The following NPAS3 variants were observed in gnomAD, a reference collection of about 807,000 sequenced individuals.
NPAS3 encodes neuronal PAS domain protein 3.
Under a neutral mutation model 73.1 loss-of-function variants are expected in NPAS3, and 14 were observed. That is an observed-to-expected ratio of 0.19 (90% CI 0.13 to 0.30). The LOEUF (loss-of-function observed/expected upper bound fraction) is 0.30, where lower values mean the gene tolerates loss of function less well. NPAS3 is among the 10% of genes least tolerant of loss of function. The pLI, the probability that NPAS3 is intolerant of heterozygous loss-of-function variation, is 1.00. For missense variants in NPAS3, 1,096 were observed against 1,250.0 expected, an observed-to-expected ratio of 0.88 and a Z score of 1.86; for synonymous variants, 620 against 541.5, an observed-to-expected ratio of 1.14 and a Z score of -2.01.
intron 6 of NPAS3, among the ~76,000 whole-genome samples, chr14:33,721,658 T>A (rs2061115990): frequency 6.6e-6 from 1 of 152,180 alleles, no homozygotes; most frequent in African/African-American, 2.4e-5. Context: ...TATGTGTAAA[T>A]CATTGACTAT....
At chr14:33,788,048 A>C (rs1337771984) in intron 9 of NPAS3, among the ~76,000 whole-genome samples, 1 of 152,222 alleles carries the variant, frequency 6.6e-6, no homozygotes, top group African/African-American at 2.4e-5. Flanking sequence ...GGAGAAGCAG[A>C]GATTAAAGAG....
rs763821657 is a variant in NPAS3 at position 33,120,770 on chromosome 14, G to GT, written c.140+64783dup. Among the ~76,000 whole-genome samples the GT allele has an allele frequency of 4.6e-5, 7 of 152,060 alleles. No individual in the cohort carries two copies. In the East Asian group the frequency reaches 5.8e-4, roughly 13 times the overall value. Reference sequence around the variant, plus strand: ...TATCCATTGAATTTGAGAAGCATTGGTTTTTTTAAGGCTATGAGCCTCAAA... The same window carrying GT: ...TATCCATTGAATTTGAGAAGCATTGGTTTTTTTTAAGGCTATGAGCCTCAAA... On this transcript the variant is annotated intron_variant, in intron 2 of 11. Coordinates refer to ENST00000356141, the Ensembl canonical transcript of NPAS3.
chr14:33,245,849 C>T (rs1327095412), intron 3 of NPAS3, among the ~76,000 whole-genome samples: 2 of 151,468 alleles, frequency 1.3e-5, no homozygotes, highest in East Asian at 3.9e-4. Context: ...AATAGTTAGA[C>T]GAGTCACAAC....
At chr14:33,107,280 C>T (rs769534212) in intron 2 of NPAS3, among the ~76,000 whole-genome samples, 7 of 152,058 alleles carry the variant, frequency 4.6e-5, no homozygotes, top group Non-Finnish European at 7.4e-5. Context: ...TCAGGGAGTA[C>T]ATGTGCAAGT....
rs530445851 is a variant in NPAS3, at chr14:33,488,747, C to T, written c.469-71374C>T. Among the ~76,000 whole-genome samples the T allele has an allele frequency of 2.8e-4, 42 of 152,230 alleles. No individual in the cohort carries two copies. The East Asian group carries it at 7.7e-3, about 28-fold the overall frequency. ...TGGGTGGAGAGCTTCCCTGCCGTCT[C>T]GCTGGCACAGTTCTGGGTGTGCACA... On this transcript the variant is annotated intron_variant, in intron 4 of 11. Coordinates refer to ENST00000356141, the Ensembl canonical transcript of NPAS3.
chr14:33,367,406 C>A, intron 4 of NPAS3, 138 bp downstream of exon 4: 1 of 527,312 alleles, frequency 1.9e-6, no homozygotes, highest in Non-Finnish European at 3.4e-6. Context: ...TTCCGAAATT[C>A]TTATGAGTTT....
At chr14:33,309,543 G>A (rs2140187123) in intron 3 of NPAS3, among the ~76,000 whole-genome samples, 1 of 152,198 alleles carries the variant, frequency 6.6e-6, no homozygotes, top group East Asian at 1.9e-4. Flanking sequence ...AGTTGGTGCA[G>A]ATAATTCCTG....
chr14:33,800,503 C>T lies in NPAS3; in HGVS notation c.2196C>T (p.Gly732=). 3.5e-6 allele frequency: 5 copies of T among 1,436,830 alleles called. No homozygotes were observed. Among genetic ancestry groups the T allele is most frequent in the Non-Finnish European group, 4.5e-6 (5 of 1,102,658 alleles). The allele number at this position is 1,436,830 out of a possible 1,614,324, so 89.0% of individuals were successfully genotyped here. ...CGGCCGCCCGCAAGACTCAGTTCGG[C>T]GCCTCGGCCACCGCGGCCCTGGCCC... The change falls in exon 12 of 12, where the codon GGC becomes GGT. Residue 732 remains glycine, a synonymous_variant. Transcript: ENST00000356141. This position sits in a 1 kb window ranked among gnomAD's most constrained non-coding sequence, Gnocchi z 6.5.
intron 2 of NPAS3, among the ~76,000 whole-genome samples, chr14:33,120,012 GT>G (rs141635410): frequency 0.35 from 52,694 of 149,874 alleles, 9,549 homozygotes; most frequent in Non-Finnish European, 0.4. Flanking sequence ...CAGATACTTT[GT>G]TTTTTTTTTG....
At chr14:33,221,583 C>A (rs2047430411) in intron 3 of NPAS3, among the ~76,000 whole-genome samples, 1 of 152,032 alleles carries the variant, frequency 6.6e-6, no homozygotes, top group Non-Finnish European at 1.5e-5. Flanking sequence ...GCTATGATTG[C>A]ACCACTGCCT....
At chr14:33,378,851 C>G (rs974159134) in intron 4 of NPAS3, among the ~76,000 whole-genome samples, 1 of 151,338 alleles carries the variant, frequency 6.6e-6, no homozygotes, top group Non-Finnish European at 1.5e-5. Flanking sequence ...GATTCTTTCT[C>G]AGGCGCTAAG....
At position 33,707,720 on chromosome 14, in the gene NPAS3, T is replaced by C. The variant is rs536480318; in HGVS notation, c.734-27494T>C. Among the ~76,000 whole-genome samples the C allele has an allele frequency of 5.3e-5, 8 of 152,198 alleles. No homozygotes were observed. In the East Asian group the frequency reaches 1.2e-3, roughly 22 times the overall value. The stretch of plus-strand genomic sequence containing the variant: ...GGAGGGCAGGAGAAGGAAGAATAAA[T>C]TCAAAGAACAAAGACATCAAGGCAA... On this transcript the variant is annotated intron_variant, in intron 6 of 11. Transcript: ENST00000356141.
intron 5 of NPAS3, among the ~76,000 whole-genome samples, chr14:33,645,278 C>G (rs1595353888): frequency 6.6e-6 from 1 of 152,216 alleles, no homozygotes; most frequent in Middle Eastern, 3.4e-3. Context: ...GTTCCTGGTT[C>G]CACTCTTGAC....
At chr14:33,662,586 G>A (rs145046447) in intron 5 of NPAS3, among the ~76,000 whole-genome samples, 4,617 of 152,246 alleles carry the variant, frequency 0.03, 116 homozygotes, top group Non-Finnish European at 0.043. Context: ...CATGAGCATG[G>A]AATGTTCTTC....
intron 2 of NPAS3, among the ~76,000 whole-genome samples, chr14:33,090,623 C>G (rs1020200395): frequency 8.5e-5 from 13 of 152,176 alleles, no homozygotes; most frequent in African/African-American, 2.6e-4. Flanking sequence ...TCCAGGAATT[C>G]AACTCAGCTC....
chr14:33,646,472 TGTA>T (rs1458927318), intron 5 of NPAS3, among the ~76,000 whole-genome samples: 2 of 152,186 alleles, frequency 1.3e-5, no homozygotes, highest in Non-Finnish European at 2.9e-5. Flanking sequence ...ATCAAAATAA[TGTA>T]GTCATAGTTC....
At chr14:33,379,643 T>C (rs182769778) in intron 4 of NPAS3, among the ~76,000 whole-genome samples, 41 of 152,270 alleles carry the variant, frequency 2.7e-4, no homozygotes, top group Admixed American at 1.4e-3. Flanking sequence ...TCTCAGTCTC[T>C]AGAACTTTGC....
chr14:33,061,947 C>A (rs1305860550), intron 2 of NPAS3, among the ~76,000 whole-genome samples: 2 of 152,018 alleles, frequency 1.3e-5, no homozygotes, highest in Non-Finnish European at 2.9e-5. Flanking sequence ...TGGGAGGGAA[C>A]CCGAGGTAAT....
intron 2 of NPAS3, among the ~76,000 whole-genome samples, chr14:33,175,442 A>C (rs896751066): frequency 6.6e-6 from 1 of 152,188 alleles, no homozygotes; most frequent in Non-Finnish European, 1.5e-5. Context: ...TTTAGGAAGC[A>C]TACCTACTTG....
Sources: allele counts gnomAD v4.1 joint callset (sites outside exome capture counted in the v4.1 genomes callset), GRCh38; gene constraint gnomAD v4.1.1; non-coding constraint Gnocchi (gnomAD v3.1); transcripts MANE v1.5; gene names NCBI Gene and HGNC (gene_info 2026-07-23, HGNC 2026-07-21).